EID2: variants seen among roughly 807,000 people sequenced by gnomAD.
EID2 encodes EP300-interacting inhibitor of differentiation 2.
In EID2, 1 loss-of-function variant was observed where a neutral mutation model predicts 2.6. The observed-to-expected ratio is 0.39, with a 90% CI of 0.14 to 1.85. The LOEUF (loss-of-function observed/expected upper bound fraction) is 1.85. Among genes scored for constraint, EID2 ranks in the 40% most tolerant of loss-of-function variants. The pLI, the probability that EID2 is intolerant of heterozygous loss-of-function variation, is 0.32. For missense variants in EID2, 285 were observed against 338.4 expected (o/e 0.84, Z 1.24); for synonymous variants, 126 against 147.2 (o/e 0.86, Z 1.04).
chr19:39,539,225 C>T lies in EID2; in HGVS notation c.*144G>A. The T allele has an allele frequency of 1.4e-6, 1 of 700,388 alleles. No individual in the cohort carries two copies. The highest frequency in any genetic ancestry group is 2.3e-6 in the Non-Finnish European group (1 of 427,936). The allele number at this position is 700,388 out of a possible 1,614,324, so 43.4% of individuals were successfully genotyped here. A position where few individuals can be genotyped will look rare whatever the true frequency, so the allele number is the denominator to read the frequency against. On this transcript the variant is annotated 3_prime_UTR_variant, in exon 1 of 1. Coordinates refer to ENST00000390658, the MANE Select transcript of EID2 (RefSeq NM_153232.4). ...TTTTTCTACTTCTGTGATGCTTTTT[C>T]AAGATAAGCTTCCCCCTCCCCCTTT...
rs752192167 is a variant in EID2, at chr19:39,539,697, C to G, written c.383G>C (p.Arg128Thr). ...CGCAGCCAGGCCTCCGTTCCCGTGT[C>G]TGGACCTGGGCCTGCCCTCGGGACC... ...EEGPEGRPRS[R>T]HGNGGLAALP... Residue 128 changes from arginine (R) to threonine (T), a missense_variant, in exon 1 of 1, where the codon AGA becomes ACA. By Grantham distance (71) the Arg-to-Thr change is moderately conservative. Transcript: ENST00000390658. 2.5e-5 allele frequency: 40 copies of G among 1,614,040 alleles called. No homozygotes were observed. In the African/African-American group the frequency reaches 3.5e-4, roughly 14 times the overall value.
Position 39,539,128 on chromosome 19 carries a change from C to T in EID2, c.*241G>A. On this transcript the variant is annotated 3_prime_UTR_variant, in exon 1 of 1. Transcript: ENST00000390658. ...TAAAGCAATGCTGAGAGACATTTTC[C>T]ATAATGCAGGGGGAAAAATGTGGAT... The T allele has an allele frequency of 4.5e-6, 2 of 443,714 alleles. No individual in the cohort carries two copies. Among genetic ancestry groups the T allele is most frequent in the South Asian group, 6.1e-5 (2 of 32,560 alleles). The allele number at this position is 443,714 out of a possible 1,614,324, so 27.5% of individuals were successfully genotyped here.
In EID2 at chr19:39,538,891, C is replaced by T. The variant is rs1346648145; in HGVS notation, c.*478G>A. On this transcript the variant is annotated 3_prime_UTR_variant, in exon 1 of 1. Transcript: ENST00000390658. ...TGAAATGCCTAAGAAAACACAAAATCAATCTTAAACTAGAAACTTCTATTG... is the reference window on the plus strand; with the variant it reads ...TGAAATGCCTAAGAAAACACAAAATTAATCTTAAACTAGAAACTTCTATTG... 6.6e-6 allele frequency: 1 copy of T among 152,290 alleles called. No individual in the cohort carries two copies. The highest frequency in any genetic ancestry group is 1.9e-4 in the East Asian group (1 of 5,204). 9.4% of individuals were successfully genotyped at this position (152,290 alleles called of 1,614,324 possible). A position where few individuals can be genotyped will look rare whatever the true frequency, so the allele number is the denominator to read the frequency against.
In EID2 at chr19:39,539,591, A is replaced by G; in HGVS notation, c.489T>C (p.Asn163=). The G allele has an allele frequency of 1.4e-5, 22 of 1,614,130 alleles. No homozygotes were observed. Among genetic ancestry groups the G allele is most frequent in the Non-Finnish European group, 1.8e-5 (21 of 1,180,012 alleles). The change falls in exon 1 of 1, where the codon AAT becomes AAC. Residue 163 remains asparagine (N), a synonymous_variant. Transcript: ENST00000390658. The stretch of plus-strand genomic sequence containing the variant: ...GTATTCTGCCGGGAGCAATCGGGTA[A>G]TTTTCCAGATAGTGGCGGAGAAACT... ...YQQFLRHYLE[N]YPIAPGRIQE... is the part of the protein sequence containing the mutation.
rs1218629495 is a variant in EID2, at chr19:39,539,481, G to A, written c.599C>T (p.Pro200Leu). The A allele has an allele frequency of 1.2e-6, 2 of 1,614,164 alleles. No individual in the cohort carries two copies. Among genetic ancestry groups the A allele is most frequent in the Non-Finnish European group, 8.5e-7 (1 of 1,180,060 alleles). Residue 200 changes from proline (P) to leucine (L), a missense_variant, in exon 1 of 1, where the codon CCT becomes CTT. Physicochemically the swap from Pro to Leu is moderately conservative, Grantham distance 98. Transcript: ENST00000390658. ...TAAAATATCGAGGTCCACCCTGTGAGGATTTCGCTGATATTCGGCATCAAA... is the reference window on the plus strand; with the variant it reads ...TAAAATATCGAGGTCCACCCTGTGAAGATTTCGCTGATATTCGGCATCAAA... ...AAFDAEYQRN[P>L]HRVDLDILTF...
Position 39,540,134 on chromosome 19 carries a change from G to C in EID2, c.-55C>G, listed in dbSNP as rs1251763145. ...CCAGAGAAACTGGAATAACTGGACA[G>C]AGCGATGCCCGGCGGACACCCCAGT... is the stretch of plus-strand genomic sequence containing the variant. On this transcript the variant is annotated 5_prime_UTR_variant, in exon 1 of 1. Transcript: ENST00000390658. The C allele has an allele frequency of 3.2e-6, 5 of 1,570,824 alleles. No homozygotes were observed. The Admixed American group carries it at 5.3e-5, about 17-fold the overall frequency.
In EID2 at chr19:39,539,246, C is replaced by T. The variant is rs1972053502; in HGVS notation, c.*123G>A. On this transcript the variant is annotated 3_prime_UTR_variant, in exon 1 of 1. Coordinates refer to ENST00000390658, the MANE Select transcript of EID2 (RefSeq NM_153232.4). ...TTTTCAAGATAAGCTTCCCCCTCCCCCTTTTTTTCCCCTCCACCTGTGCAC... is the reference window on the plus strand; with the variant it reads ...TTTTCAAGATAAGCTTCCCCCTCCCTCTTTTTTTCCCCTCCACCTGTGCAC... The T allele has an allele frequency of 2.4e-6, 2 of 843,042 alleles. No homozygotes were observed. The highest frequency in any genetic ancestry group is 1.7e-5 in the African/African-American group (1 of 58,244). The allele number at this position is 843,042 out of a possible 1,614,324, so 52.2% of individuals were successfully genotyped here. A position where few individuals can be genotyped will look rare whatever the true frequency, so the allele number is the denominator to read the frequency against.
Position 39,539,909 on chromosome 19 carries a change from C to A in EID2, c.171G>T (p.Ala57=). ...CCGCCGCCATCCGACCTTCCCTGGC[C>A]GCCGGCACCGGGCCTCCCCTGGCCG... ...MAAARGGPVP[A]AREGRMAAAR... Residue 57 remains alanine (A), a synonymous_variant, in exon 1 of 1, where the codon GCG becomes GCT. Transcript: ENST00000390658. 6.9e-7 allele frequency: 1 copy of A among 1,440,118 alleles called. No individual in the cohort carries two copies. The highest frequency in any genetic ancestry group is 9.1e-7 in the Non-Finnish European group (1 of 1,101,102). 89.2% of individuals were successfully genotyped at this position (1,440,118 alleles called of 1,614,324 possible).
At position 39,539,320 on chromosome 19, in the gene EID2, T is replaced by TA; in HGVS notation, c.*48_*49insT. ...ACTTCTGAAAATCAAGTTGCAGGAT[T>TA]GGTATGACTGGAATGCAGAGGTTCT... is the stretch of plus-strand genomic sequence containing the variant. On this transcript the variant is annotated 3_prime_UTR_variant, in exon 1 of 1. Transcript: ENST00000390658. 6.6e-7 allele frequency: 1 copy of TA among 1,523,048 alleles called. No homozygotes were observed. Among genetic ancestry groups the TA allele is most frequent in the Non-Finnish European group, 9.0e-7 (1 of 1,106,492 alleles). The allele number at this position is 1,523,048 out of a possible 1,614,324, so 94.3% of individuals were successfully genotyped here.
In EID2 at chr19:39,540,072, T is replaced by C. The variant is rs780962605; in HGVS notation, c.8A>G (p.Lys3Arg). 4 of 1,596,276 alleles carry C rather than the reference T, an allele frequency of 2.5e-6. No individual in the cohort carries two copies. The Admixed American group carries it at 6.7e-5, about 27-fold the overall frequency. Residue 3 changes from lysine to arginine, a missense_variant, in exon 1 of 1, where the codon AAG becomes AGG. Physicochemically the swap from Lys to Arg is conservative, Grantham distance 26 (BLOSUM62 2). Coordinates refer to ENST00000390658, the MANE Select transcript of EID2 (RefSeq NM_153232.4). MS[K>R]LPADSSVPQT... The stretch of plus-strand genomic sequence containing the variant: ...CGGGACACTGCTGTCTGCGGGCAGC[T>C]TGGACATCTCAGACCGTGGGGTCAA...
chr19:39,539,326 G>T lies in EID2; in HGVS notation c.*43C>A. 2 of 1,545,268 alleles carry T rather than the reference G, an allele frequency of 1.3e-6. No individual in the cohort carries two copies. The highest frequency in any genetic ancestry group is 2.3e-5 in the South Asian group (2 of 87,216). On this transcript the variant is annotated 3_prime_UTR_variant, in exon 1 of 1. Coordinates refer to ENST00000390658, the MANE Select transcript of EID2 (RefSeq NM_153232.4). ...GAAAATCAAGTTGCAGGATTGGTATGACTGGAATGCAGAGGTTCTCTTGAA... is the reference window on the plus strand; with the variant it reads ...GAAAATCAAGTTGCAGGATTGGTATTACTGGAATGCAGAGGTTCTCTTGAA...
rs1251763145 is a variant in EID2, at chr19:39,540,134, G to A, written c.-55C>T. Reference sequence around the variant, plus strand: ...CCAGAGAAACTGGAATAACTGGACAGAGCGATGCCCGGCGGACACCCCAGT... The same window carrying A: ...CCAGAGAAACTGGAATAACTGGACAAAGCGATGCCCGGCGGACACCCCAGT... On this transcript the variant is annotated 5_prime_UTR_variant, in exon 1 of 1. Coordinates refer to ENST00000390658, the MANE Select transcript of EID2 (RefSeq NM_153232.4). The A allele has an allele frequency of 3.2e-5, 51 of 1,570,824 alleles. No homozygotes were observed. Among genetic ancestry groups the A allele is most frequent in the Middle Eastern group, 4.5e-4 (2 of 4,454 alleles).
At position 39,539,824 on chromosome 19, in the gene EID2, T is replaced by G; in HGVS notation, c.256A>C (p.Arg86=). 1 of 1,444,582 alleles carries G rather than the reference T, an allele frequency of 6.9e-7. No individual in the cohort carries two copies. Among genetic ancestry groups the G allele is most frequent in the Non-Finnish European group, 9.0e-7 (1 of 1,109,980 alleles). 89.5% of individuals were successfully genotyped at this position (1,444,582 alleles called of 1,614,324 possible). Residue 86 remains arginine (R), a synonymous_variant, in exon 1 of 1, where the codon AGG becomes CGG. Coordinates refer to ENST00000390658, the MANE Select transcript of EID2 (RefSeq NM_153232.4). The part of the protein sequence containing the change: ...GAPVAAAALA[R]AAAAGRESPA... ...CTTTCCCTGCCCGCCGCGGCTGCCC[T>G]GGCCAACGCCGCCGCTGCCACCGGG...
At position 39,539,197 on chromosome 19, in the gene EID2, A is replaced by AT. The variant is rs1244549036; in HGVS notation, c.*171dup. The AT allele has an allele frequency of 4.9e-6, 3 of 610,058 alleles. No individual in the cohort carries two copies. The highest frequency in any genetic ancestry group is 8.5e-6 in the Non-Finnish European group (3 of 354,856). 37.8% of individuals were successfully genotyped at this position (610,058 alleles called of 1,614,324 possible). A position where few individuals can be genotyped will look rare whatever the true frequency, so the allele number is the denominator to read the frequency against. On this transcript the variant is annotated 3_prime_UTR_variant, in exon 1 of 1. Coordinates refer to ENST00000390658, the MANE Select transcript of EID2 (RefSeq NM_153232.4). ...ACGTTACAGTTATAATGCTTTCGAC[A>AT]TTTTTTTCTACTTCTGTGATGCTTT...
Position 39,539,899 on chromosome 19 carries a change from C to T in EID2, c.181G>A (p.Gly61Ser), listed in dbSNP as rs1295711745. The T allele has an allele frequency of 1.4e-6, 2 of 1,413,868 alleles. No individual in the cohort carries two copies. The highest frequency in any genetic ancestry group is 1.8e-6 in the Non-Finnish European group (2 of 1,087,146). 87.6% of individuals were successfully genotyped at this position (1,413,868 alleles called of 1,614,324 possible). A position where few individuals can be genotyped will look rare whatever the true frequency, so the allele number is the denominator to read the frequency against. ...GCTGCCCTGGCCGCCGCCATCCGAC[C>T]TTCCCTGGCCGCCGGCACCGGGCCT... ...RGGPVPAAREGRMAAARAAPA... is the reference protein window; with the variant it reads ...RGGPVPAARESRMAAARAAPA... The change falls in exon 1 of 1, where the codon GGT becomes AGT. Residue 61 changes from glycine to serine, a missense_variant. By Grantham distance (56) the Gly-to-Ser change is moderately conservative. Coordinates refer to ENST00000390658, the MANE Select transcript of EID2 (RefSeq NM_153232.4).
Position 39,539,972 on chromosome 19 carries a change from C to T in EID2, c.108G>A (p.Pro36=). The T allele has an allele frequency of 6.3e-7, 1 of 1,580,520 alleles. No homozygotes were observed. Among genetic ancestry groups the T allele is most frequent in the South Asian group, 1.1e-5 (1 of 89,778 alleles). The change falls in exon 1 of 1, where the codon CCG becomes CCA. Residue 36 remains proline, a synonymous_variant. Coordinates refer to ENST00000390658, the MANE Select transcript of EID2 (RefSeq NM_153232.4). ...CTTCCCCGGCCTCCTCAGGCTGTGC[C>T]GGGGCCGGCTCCCGCCTCCCGCGGC... ...EVGRGRREPA[P]AQPEEAGEGA... is the part of the protein sequence containing the mutation.
Position 39,539,387 on chromosome 19 carries a change from C to T in EID2, c.693G>A (p.Lys231=). 1 of 1,613,936 alleles carries T rather than the reference C, an allele frequency of 6.2e-7. No homozygotes were observed. The change falls in exon 1 of 1, where the codon AAG becomes AAA. Residue 231 remains lysine, a synonymous_variant. Coordinates refer to ENST00000390658, the MANE Select transcript of EID2 (RefSeq NM_153232.4). The stretch of plus-strand genomic sequence containing the variant: ...CACATAACTATTCTCTATTGATAAA[C>T]TTATCGCAACCAAGTTCTTCTATCA... ...NPLIEELGCD[K]FINRE is the part of the protein sequence containing the mutation.
rs975007742 is a variant in EID2 at position 39,539,846 on chromosome 19, C to T, written c.234G>A (p.Pro78=). The T allele has an allele frequency of 2.9e-6, 4 of 1,367,560 alleles. No homozygotes were observed. Among genetic ancestry groups the T allele is most frequent in the East Asian group, 3.1e-5 (1 of 32,140 alleles). 84.7% of individuals were successfully genotyped at this position (1,367,560 alleles called of 1,614,324 possible). ...AAPAAAARGA[P]VAAAALARAA... ...CCCTGGCCAACGCCGCCGCTGCCAC[C>T]GGGGCTCCCCTGGCTGCCGCCGCCG... Residue 78 remains proline, a synonymous_variant, in exon 1 of 1, where the codon CCG becomes CCA. Transcript: ENST00000390658.
Position 39,539,465 on chromosome 19 carries a change from G to A in EID2, c.615C>T (p.Leu205=), listed in dbSNP as rs762804502. Residue 205 remains leucine (L), a synonymous_variant, in exon 1 of 1, where the codon CTC becomes CTT. Coordinates refer to ENST00000390658, the MANE Select transcript of EID2 (RefSeq NM_153232.4). ...EYQRNPHRVD[L]DILTFTIALT... ...GAGCTATCGTAAAGGTTAAAATATC[G>A]AGGTCCACCCTGTGAGGATTTCGCT... 9 of 1,614,080 alleles carry A rather than the reference G, an allele frequency of 5.6e-6. No homozygotes were observed. Among genetic ancestry groups the A allele is most frequent in the Non-Finnish European group, 7.6e-6 (9 of 1,180,058 alleles).
Sources: allele counts gnomAD v4.1 joint callset, GRCh38; gene constraint gnomAD v4.1.1; transcripts MANE v1.5; gene names NCBI Gene and HGNC (gene_info 2026-07-23, HGNC 2026-07-21).